DNAJC13: variants seen among roughly 807,000 people sequenced by gnomAD.
DNAJC13 encodes dnaJ homolog subfamily C member 13.
DNAJC13 carries 75 observed loss-of-function variants against 290.5 expected under a neutral mutation model. That is an observed-to-expected ratio of 0.26 (90% CI 0.21 to 0.31). DNAJC13 has a LOEUF of 0.31. Ranked by LOEUF, DNAJC13 falls within the 10% of genes least tolerant of loss-of-function variation. DNAJC13 has a pLI of 1.00. For missense variants in DNAJC13, 2,260 were observed against 2,674.5 expected (o/e 0.85, Z 3.42); for synonymous variants, 862 against 892.0 (o/e 0.97, Z 0.60).
intron 16 of DNAJC13, among the ~76,000 whole-genome samples, chr3:132,463,218 C>T (rs903340416): frequency 1.1e-4 from 16 of 152,274 alleles, no homozygotes; most frequent in African/African-American, 3.9e-4. Flanking sequence ...AATTAGTATG[C>T]CCTTAAGTAG....
Position 132,421,464 on chromosome 3 carries a change from T to C in DNAJC13, c.-14+3704T>C, listed in dbSNP as rs140235670. 3.0e-3 allele frequency among the ~76,000 whole-genome samples: 456 copies of C among 152,284 alleles called. 5 individuals are homozygous for C. Among genetic ancestry groups the C allele is most frequent in the African/African-American group, 0.01 (430 of 41,554 alleles). On this transcript the variant is annotated intron_variant, in intron 1 of 55. Transcript: ENST00000260818. ...TTACATGGAATCATTTTGAGATTTT[T>C]TTTGTGTGTGTGAGAGACAATCTTG...
chr3:132,497,218 G>C (rs1935260780), intron 36 of DNAJC13, among the ~76,000 whole-genome samples: 1 of 152,196 alleles, frequency 6.6e-6, no homozygotes, highest in Non-Finnish European at 1.5e-5. Flanking sequence ...TGTAATTTCA[G>C]ATTACAGGAT....
chr3:132,516,295 GTTA>G (rs1935917472), intron 46 of DNAJC13, 124 bp from the exon 47 acceptor site: 1 of 852,120 alleles, frequency 1.2e-6, no homozygotes, highest in Non-Finnish European at 1.9e-6. Flanking sequence ...TGTCTCACTG[GTTA>G]TTATGAGGAT....
At chr3:132,485,284 T>C (rs911409873) in intron 29 of DNAJC13, among the ~76,000 whole-genome samples, 37 of 152,042 alleles carry the variant, frequency 2.4e-4, no homozygotes, top group African/African-American at 8.2e-4. Context: ...ATTACAGGCA[T>C]GTGCCACCAC....
chr3:132,473,648 T>C (rs1326982108), intron 21 of DNAJC13, among the ~76,000 whole-genome samples: 1 of 152,034 alleles, frequency 6.6e-6, no homozygotes, highest in African/African-American at 2.4e-5. Context: ...TCTTTTTATC[T>C]ACCAATCTCA....
chr3:132,506,426 T>C (rs1237618688), intron 42 of DNAJC13, among the ~76,000 whole-genome samples: 1 of 151,968 alleles, frequency 6.6e-6, no homozygotes, highest in Non-Finnish European at 1.5e-5. Context: ...TATTCTATAC[T>C]TTTACATGTT....
In DNAJC13 at chr3:132,503,322, T is replaced by G. The variant is rs574312642; in HGVS notation, c.4825T>G (p.Leu1609Val). ...TPENPTIRKS[L>V]AGMLTPYVAR... Reference sequence around the variant, plus strand: ...AGAAAATCCAACCATAAGGAAAAGCTTAGCTGGCATGCTGACACCCTATGT... The same window carrying G: ...AGAAAATCCAACCATAAGGAAAAGCGTAGCTGGCATGCTGACACCCTATGT... The change falls in exon 41 of 56, where the codon TTA becomes GTA. Residue 1609 changes from leucine to valine, a missense_variant. Transcript: ENST00000260818. 6.2e-7 allele frequency: 1 copy of G among 1,614,124 alleles called. No homozygotes were observed. The highest frequency in any genetic ancestry group is 1.1e-5 in the South Asian group (1 of 91,072).
chr3:132,431,277 G>T (rs1270391189), intron 1 of DNAJC13, among the ~76,000 whole-genome samples: 5 of 152,172 alleles, frequency 3.3e-5, no homozygotes, highest in Non-Finnish European at 4.4e-5. Flanking sequence ...GGATATTCCA[G>T]TAGAATTAGG....
intron 25 of DNAJC13, among the ~76,000 whole-genome samples, chr3:132,479,494 A>G (rs1559888744): frequency 6.6e-6 from 1 of 152,154 alleles, no homozygotes; most frequent in Non-Finnish European, 1.5e-5. Context: ...GTGGGTGCAG[A>G]ATGAATTAAT....
In DNAJC13 at chr3:132,471,615, A is replaced by C. The variant is rs867234822; in HGVS notation, c.2209-1530A>C. On this transcript the variant is annotated intron_variant, in intron 20 of 55. Transcript: ENST00000260818. ...CTCCTCACATCCCAGATGGGGCGGC[A>C]GGGCAGAGGCGCTCCCCACATCTCA... Among the ~76,000 whole-genome samples the C allele has an allele frequency of 8.6e-5, 11 of 128,006 alleles. No homozygotes were observed. The East Asian group carries it at 2.3e-3, about 27-fold the overall frequency. The allele number at this position is 128,006 out of a possible 152,430, so 84.0% of individuals were successfully genotyped here. A position where few individuals can be genotyped will look rare whatever the true frequency, so the allele number is the denominator to read the frequency against.
At chr3:132,451,939 T>C (rs1933428640) in intron 6 of DNAJC13, among the ~76,000 whole-genome samples, 1 of 152,184 alleles carries the variant, frequency 6.6e-6, no homozygotes, top group Non-Finnish European at 1.5e-5. Context: ...TCTAGGAACA[T>C]ACAGGTAAAC....
At chr3:132,518,790 T>G (rs1273098160) in intron 48 of DNAJC13, among the ~76,000 whole-genome samples, 2 of 152,226 alleles carry the variant, frequency 1.3e-5, no homozygotes, top group Non-Finnish European at 2.9e-5. Flanking sequence ...ATAATCAATT[T>G]TAGGTTTGAC....
chr3:132,504,789 C>T (rs1446873934), intron 41 of DNAJC13, among the ~76,000 whole-genome samples: 1 of 152,138 alleles, frequency 6.6e-6, no homozygotes, highest in Non-Finnish European at 1.5e-5. Context: ...ATAATCTATG[C>T]CTGCAGAAGG....
chr3:132,430,187 G>A (rs1301257138), intron 1 of DNAJC13, among the ~76,000 whole-genome samples: 3 of 151,998 alleles, frequency 2.0e-5, no homozygotes, highest in East Asian at 3.9e-4. Flanking sequence ...TCATCTTCAG[G>A]TTTATAGACC....
At chr3:132,472,604 G>A (rs1267788068) in intron 20 of DNAJC13, 1 of 984,976 alleles carries the variant, frequency 1.0e-6, no homozygotes, top group Non-Finnish European at 1.2e-6. Flanking sequence ...TGTGTGAAAT[G>A]CATTAAGCTG....
chr3:132,506,462 T>A (rs1935593691), intron 42 of DNAJC13, among the ~76,000 whole-genome samples: 1 of 151,884 alleles, frequency 6.6e-6, no homozygotes, highest in Non-Finnish European at 1.5e-5. Flanking sequence ...AAATTCGTTT[T>A]GGTTTCAGTC....
intron 33 of DNAJC13, among the ~76,000 whole-genome samples, chr3:132,493,449 T>G (rs952679403): frequency 3.9e-5 from 6 of 151,998 alleles, no homozygotes; most frequent in Non-Finnish European, 7.4e-5. Flanking sequence ...GGCTTTTTAG[T>G]CAGACCTAGG....
intron 40 of DNAJC13, 105 bp from the exon 41 acceptor site, chr3:132,503,109 T>C: frequency 2.4e-6 from 3 of 1,258,896 alleles, no homozygotes; most frequent in Non-Finnish European, 3.3e-6. Context: ...TTGGTTGACT[T>C]TTTACTCCTT....
intron 47 of DNAJC13, 41 bp downstream of exon 47, chr3:132,516,537 T>C (rs1935925411): frequency 1.3e-6 from 2 of 1,593,992 alleles, no homozygotes; most frequent in Non-Finnish European, 1.7e-6. Flanking sequence ...ATGTGCAATA[T>C]AATGAAGCTT....
Sources: gnomAD v4.1 joint callset for allele counts (sites outside exome capture counted in the v4.1 genomes callset) on GRCh38, gnomAD v4.1.1 for gene constraint, MANE v1.5 for transcripts, NCBI Gene and HGNC (gene_info 2026-07-23, HGNC 2026-07-21) for gene names.